Variants in ERC1 observed in about 807,000 individuals in gnomAD.
ERC1 encodes the protein ELKS/RAB6-interacting/CAST family member 1.
In ERC1, 56 loss-of-function variants were observed where a neutral mutation model predicts 132.0. The ratio of observed to expected loss-of-function variants is 0.42; its 90% CI spans 0.34 to 0.53. ERC1 has a LOEUF of 0.53. ERC1 is among the 20% of genes least tolerant of loss of function. The pLI, the probability that ERC1 is intolerant of heterozygous loss-of-function variation, is 0.03. For synonymous variants in ERC1, 478 were observed against 476.1 expected (o/e 1.00, Z -0.05); for missense variants, 1,202 against 1,349.9 (o/e 0.89, Z 1.72).
Position 1,075,141 on chromosome 12 carries a change from C to G in ERC1, c.670-8023C>G, listed in dbSNP as rs139884990. Among the ~76,000 whole-genome samples, 881 of 152,016 alleles carry G rather than the reference C, an allele frequency of 5.8e-3. 4 individuals are homozygous for G. Among genetic ancestry groups the G allele is most frequent in the African/African-American group, 0.019 (785 of 41,434 alleles). ...CCTGTCTCATTCTCTGTGGTTCAGA[C>G]TCATTAAATTAGTTTCTTCTTTTAA... On this transcript the variant is annotated intron_variant, in intron 2 of 18. Coordinates refer to ENST00000360905, the MANE Select transcript of ERC1 (RefSeq NM_178040.4).
At chr12:1,201,597 A>G (rs1334218263) in intron 12 of ERC1, among the ~76,000 whole-genome samples, 4 of 152,170 alleles carry the variant, frequency 2.6e-5, no homozygotes, top group Non-Finnish European at 4.4e-5. Flanking sequence ...GCTTTATGAT[A>G]TTACTTTATG....
At chr12:1,000,557 T>A (rs1016945112) in intron 1 of ERC1, among the ~76,000 whole-genome samples, 4 of 151,190 alleles carry the variant, frequency 2.6e-5, no homozygotes, top group African/African-American at 7.3e-5. Context: ...TTAAATTAAG[T>A]GTCTCTGCCA....
chr12:999,986 G>A (rs554229887), intron 1 of ERC1, among the ~76,000 whole-genome samples: 1 of 152,272 alleles, frequency 6.6e-6, no homozygotes, highest in Admixed American at 6.5e-5. Flanking sequence ...GATCAGGGCT[G>A]TGCTTCAGAA....
At chr12:1,097,804 C>A (rs900578840) in intron 3 of ERC1, among the ~76,000 whole-genome samples, 46 of 151,536 alleles carry the variant, frequency 3.0e-4, no homozygotes, top group Admixed American at 1.3e-3. Context: ...AACCTCTGCC[C>A]CCCAGGTTCA....
rs181050454 is a variant in ERC1, at chr12:1,407,520, C to T, written c.2926-629C>T. Among the ~76,000 whole-genome samples, 395 of 149,192 alleles carry T rather than the reference C, an allele frequency of 2.6e-3. 1 individual carries two copies. Among genetic ancestry groups the T allele is most frequent in the Middle Eastern group, 3.4e-3 (1 of 294 alleles). On this transcript the variant is annotated intron_variant, in intron 16 of 18. Coordinates refer to ENST00000360905, the MANE Select transcript of ERC1 (RefSeq NM_178040.4). The stretch of plus-strand genomic sequence containing the variant: ...TGGGCAACATAGTGAGACCCTGTCT[C>T]TTTATTTTATTTTTTATTTTTTTAA...
chr12:1,092,045 C>CTGGA (rs1943300309), intron 3 of ERC1, among the ~76,000 whole-genome samples: 1 of 149,492 alleles, frequency 6.7e-6, no homozygotes, highest in East Asian at 1.9e-4. Context: ...GTTGCCCAGG[C>CTGGA]TGGAGTGCAA....
At chr12:1,343,411 A>G (rs2084109878) in intron 15 of ERC1, among the ~76,000 whole-genome samples, 1 of 152,186 alleles carries the variant, frequency 6.6e-6, no homozygotes, top group Non-Finnish European at 1.5e-5. Context: ...TTTTGGCATG[A>G]AACTATCCCA....
chr12:1,024,676 T>A (rs1193016450), intron 1 of ERC1, among the ~76,000 whole-genome samples: 1 of 152,004 alleles, frequency 6.6e-6, no homozygotes, highest in Non-Finnish European at 1.5e-5. Context: ...TGCTTTGAAA[T>A]GATGCTAGGA....
chr12:1,244,744 C>G, intron 13 of ERC1: 1 of 322,198 alleles, frequency 3.1e-6, no homozygotes. Context: ...CCAGGCTGGT[C>G]CTAGCATCAT....
chr12:1,468,686 G>C (rs555091937), intron 18 of ERC1, among the ~76,000 whole-genome samples: 1 of 152,228 alleles, frequency 6.6e-6, no homozygotes, highest in African/African-American at 2.4e-5. Context: ...GAGCCTGCAG[G>C]CTCTCAGGGA....
intron 3 of ERC1, among the ~76,000 whole-genome samples, chr12:1,094,244 C>G (rs2154193986): frequency 1.3e-5 from 2 of 151,620 alleles, no homozygotes; most frequent in South Asian, 4.2e-4. Context: ...GTCTCAAACT[C>G]TTGACCTCAA....
At chr12:1,247,371 T>G (rs2076218420) in intron 13 of ERC1, among the ~76,000 whole-genome samples, 1 of 152,262 alleles carries the variant, frequency 6.6e-6, no homozygotes, top group South Asian at 2.1e-4. Context: ...TTGATCATCT[T>G]ACTATGGTTA....
intron 14 of ERC1, among the ~76,000 whole-genome samples, chr12:1,276,570 T>TC (rs2078288968): frequency 6.6e-6 from 1 of 151,188 alleles, no homozygotes. Flanking sequence ...TTGTACTTAG[T>TC]CCTGTTTTTT....
At chr12:1,009,207 C>T (rs1964250056) in intron 1 of ERC1, among the ~76,000 whole-genome samples, 1 of 150,682 alleles carries the variant, frequency 6.6e-6, no homozygotes, top group Non-Finnish European at 1.5e-5. Context: ...CAGAGTCTCT[C>T]TCTGTCGCCC....
intron 16 of ERC1, among the ~76,000 whole-genome samples, chr12:1,406,067 G>T (rs1247816588): frequency 1.3e-5 from 2 of 152,102 alleles, no homozygotes; most frequent in African/African-American, 2.4e-5. Flanking sequence ...AATGTATTGG[G>T]TGTCAGTTTT....
intron 14 of ERC1, among the ~76,000 whole-genome samples, chr12:1,273,747 A>T (rs573386458): frequency 6.6e-6 from 1 of 152,132 alleles, no homozygotes; most frequent in African/African-American, 2.4e-5. Context: ...GGATGGATGG[A>T]TGGATGGTCG....
intron 11 of ERC1, 105 bp from the exon 12 acceptor site, chr12:1,189,754 T>C (rs1955516746): frequency 1.2e-6 from 1 of 843,188 alleles, no homozygotes; most frequent in African/African-American, 1.7e-5. Context: ...TGGTAGATAT[T>C]TGATAATTCT....
intron 15 of ERC1, among the ~76,000 whole-genome samples, chr12:1,293,037 T>A (rs1393895474): frequency 9.3e-5 from 14 of 150,444 alleles, no homozygotes; most frequent in African/African-American, 3.4e-4. Flanking sequence ...CCAGCTACTC[T>A]GGAGGCTGAG....
In ERC1 at chr12:1,338,880, CT is replaced by C. The variant is rs532760910; in HGVS notation, c.2781-32950del. ...TTGGGGGACTTATATTGGGCAATGA[CT>C]TTGTTCTCTGGCTCCTCTGAGGTTA... On this transcript the variant is annotated intron_variant, in intron 15 of 18. Coordinates refer to ENST00000360905, the MANE Select transcript of ERC1 (RefSeq NM_178040.4). 4.3e-3 allele frequency among the ~76,000 whole-genome samples: 659 copies of C among 152,298 alleles called. 10 individuals carry two copies. The highest frequency in any genetic ancestry group is 0.015 in the African/African-American group (628 of 41,562).
Sources: allele counts gnomAD v4.1 joint callset (sites outside exome capture counted in the v4.1 genomes callset), GRCh38; gene constraint gnomAD v4.1.1; transcripts MANE v1.5; gene names NCBI Gene and HGNC (gene_info 2026-07-23, HGNC 2026-07-21).